The following CFAP299 variants were observed in gnomAD, a reference collection of about 807,000 sequenced individuals.
CFAP299 encodes cilia and flagella associated protein 299.
Under a neutral mutation model 27.0 loss-of-function variants are expected in CFAP299, and 21 were observed. That is an observed-to-expected ratio of 0.78 (90% confidence interval 0.55 to 1.12). The LOEUF is 1.12. Ranked by LOEUF, CFAP299 falls within the 50% of genes most tolerant of loss-of-function variation. The pLI is 0.00. For synonymous variants in CFAP299, 104 were observed against 98.1 expected (o/e 1.06, Z -0.36); for missense variants, 310 against 276.6 (o/e 1.12, Z -0.86).
intron 2 of CFAP299, among the ~76,000 whole-genome samples, chr4:80,506,013 A>AAT (rs561352947): frequency 2.5e-5 from 3 of 118,782 alleles, no homozygotes; most frequent in East Asian, 4.0e-4. Context: ...AATATATATA[A>AAT]ATATATATAT....
intron 3 of CFAP299, among the ~76,000 whole-genome samples, chr4:80,641,497 C>T (rs1739725689): frequency 6.6e-6 from 1 of 152,144 alleles, no homozygotes; most frequent in South Asian, 2.1e-4. Flanking sequence ...GCCACCATGC[C>T]CAATCTTATT....
intron 2 of CFAP299, among the ~76,000 whole-genome samples, chr4:80,507,629 CCT>C (rs1373973177): frequency 1.3e-5 from 2 of 152,266 alleles, no homozygotes; most frequent in East Asian, 3.9e-4. Context: ...TTGACAGCTC[CCT>C]GTTTTCACAG....
At chr4:80,686,564 A>C (rs17004970) in intron 3 of CFAP299, among the ~76,000 whole-genome samples, 4,480 of 152,326 alleles carry the variant, frequency 0.029, 240 homozygotes, top group African/African-American at 0.1. Flanking sequence ...CCGAGTTCTC[A>C]TAATTTCATG....
chr4:80,796,563 A>G (rs1727873433), intron 3 of CFAP299, among the ~76,000 whole-genome samples: 2 of 152,152 alleles, frequency 1.3e-5, no homozygotes, highest in Middle Eastern at 3.2e-3. Flanking sequence ...GGTGGGCCTT[A>G]TGGACAGTAA....
At chr4:80,415,569 G>T (rs1393940540) in intron 2 of CFAP299, among the ~76,000 whole-genome samples, 2 of 151,898 alleles carry the variant, frequency 1.3e-5, no homozygotes, top group Non-Finnish European at 2.9e-5. Context: ...TATATACATG[G>T]GAAATACTGG....
At chr4:80,592,090 T>C (rs563077967) in intron 3 of CFAP299, among the ~76,000 whole-genome samples, 46 of 152,326 alleles carry the variant, frequency 3.0e-4, no homozygotes, top group Non-Finnish European at 6.0e-4. Flanking sequence ...ATTAAAATAT[T>C]AATTAAGAGT....
chr4:80,493,740 C>T (rs1200013102), intron 2 of CFAP299, among the ~76,000 whole-genome samples: 3 of 144,596 alleles, frequency 2.1e-5, no homozygotes, highest in African/African-American at 7.6e-5. Flanking sequence ...GGATATCTGT[C>T]TCTTTTCTAT....
rs377268593 is a variant in CFAP299, at chr4:80,858,705, A to G, written c.334-11288A>G. On this transcript the variant is annotated intron_variant, in intron 3 of 5. Coordinates refer to ENST00000358105, the MANE Select transcript of CFAP299 (RefSeq NM_152770.3). ...CAGGAGCAGGTTGTTCAGTTTCCATATAGTTGAGCGGTTTTGAGTGAGTTT... is the reference window on the plus strand; with the variant it reads ...CAGGAGCAGGTTGTTCAGTTTCCATGTAGTTGAGCGGTTTTGAGTGAGTTT... 4.2e-3 allele frequency among the ~76,000 whole-genome samples: 632 copies of G among 152,036 alleles called. 2 individuals carry two copies. Among genetic ancestry groups the G allele is most frequent in the Non-Finnish European group, 3.6e-3 (246 of 67,978 alleles).
intron 2 of CFAP299, among the ~76,000 whole-genome samples, chr4:80,503,736 C>T (rs961659266): frequency 1.3e-5 from 2 of 152,172 alleles, no homozygotes; most frequent in African/African-American, 4.8e-5. Context: ...TTCAGGCTAT[C>T]AGCCCCTTGA....
rs1159320375 is a variant in CFAP299 at position 80,471,384 on chromosome 4, ATGTT to A, written c.242+108504_242+108507del. On this transcript the variant is annotated intron_variant, in intron 2 of 5. Transcript: ENST00000358105. ...ATTGTTATTGGTATATTTATTGGTAATGTTTGTCATATTCATTATATATTATGCC... is the reference window on the plus strand; with the variant it reads ...ATTGTTATTGGTATATTTATTGGTAATGTCATATTCATTATATATTATGCC... 3.9e-5 allele frequency among the ~76,000 whole-genome samples: 6 copies of A among 151,942 alleles called. No individual in the cohort carries two copies. The East Asian group carries it at 7.8e-4, about 20-fold the overall frequency.
At chr4:80,514,434 A>C (rs575350083) in intron 2 of CFAP299, among the ~76,000 whole-genome samples, 1 of 152,178 alleles carries the variant, frequency 6.6e-6, no homozygotes, top group East Asian at 1.9e-4. Flanking sequence ...AGGCCAAAAA[A>C]CGCGTATATC....
intron 2 of CFAP299, among the ~76,000 whole-genome samples, chr4:80,524,490 G>C (rs111773137): frequency 1.3e-5 from 2 of 152,022 alleles, no homozygotes; most frequent in South Asian, 2.1e-4. Context: ...AATGTCTGTA[G>C]GTGTTTTCAA....
At chr4:80,933,068 A>C (rs958055804) in intron 4 of CFAP299, among the ~76,000 whole-genome samples, 1 of 152,098 alleles carries the variant, frequency 6.6e-6, no homozygotes, top group Non-Finnish European at 1.5e-5. Context: ...AATAATCACC[A>C]CAATCAAGCT....
At position 80,591,105 on chromosome 4, in the gene CFAP299, ATTT is replaced by A. The variant is rs70944795; in HGVS notation, c.333+7946_333+7948del. ...GAAACAGATTATAATACTTTAGGAA[ATTT>A]TTTTTTTTTTTTTTTTTTTTTTTAT... On this transcript the variant is annotated intron_variant, in intron 3 of 5. Coordinates refer to ENST00000358105, the MANE Select transcript of CFAP299 (RefSeq NM_152770.3). Among the ~76,000 whole-genome samples the A allele has an allele frequency of 2.7e-3, 341 of 126,852 alleles. 1 individual carries two copies. Among genetic ancestry groups the A allele is most frequent in the South Asian group, 0.015 (57 of 3,868 alleles). The allele number at this position is 126,852 out of a possible 152,430, so 83.2% of individuals were successfully genotyped here.
intron 2 of CFAP299, among the ~76,000 whole-genome samples, chr4:80,485,801 C>T (rs1258346859): frequency 6.6e-6 from 1 of 152,116 alleles, no homozygotes; most frequent in Non-Finnish European, 1.5e-5. Flanking sequence ...TGCATTTTCA[C>T]ATACGTAGTA....
intron 2 of CFAP299, chr4:80,387,494 G>T (rs1211933841): frequency 1.2e-6 from 1 of 815,246 alleles, no homozygotes; most frequent in Non-Finnish European, 2.1e-6. Context: ...CTGGCTGTGG[G>T]CCAGGCCTGG....
At chr4:80,889,291 A>G (rs1734128005) in intron 4 of CFAP299, among the ~76,000 whole-genome samples, 1 of 152,004 alleles carries the variant, frequency 6.6e-6, no homozygotes, top group Non-Finnish European at 1.5e-5. Context: ...GATGAAAAAG[A>G]AGACATTTCA....
chr4:80,726,941 G>A (rs930839383), intron 3 of CFAP299, among the ~76,000 whole-genome samples: 14 of 151,712 alleles, frequency 9.2e-5, no homozygotes, highest in Non-Finnish European at 2.1e-4. Flanking sequence ...TTTTCTTTTA[G>A]TTCACTAATT....
At chr4:80,884,448 A>T (rs1200708962) in intron 4 of CFAP299, among the ~76,000 whole-genome samples, 1 of 152,152 alleles carries the variant, frequency 6.6e-6, no homozygotes, top group Non-Finnish European at 1.5e-5. Context: ...GAAATTTAAA[A>T]ATGTCTTTAG....
Sources: allele counts gnomAD v4.1 joint callset (sites outside exome capture counted in the v4.1 genomes callset), GRCh38; gene constraint gnomAD v4.1.1; transcripts MANE v1.5; gene names NCBI Gene and HGNC (gene_info 2026-07-23, HGNC 2026-07-21).